Variants in GATAD2B observed in about 807,000 individuals in gnomAD.
The protein encoded by GATAD2B is GATA zinc finger domain containing 2B.
A neutral mutation model predicts 64.3 loss-of-function variants in GATAD2B; 8 were observed. That is an observed-to-expected ratio of 0.12 (90% CI 0.07 to 0.22). The LOEUF (loss-of-function observed/expected upper bound fraction) is 0.22, where lower values mean the gene tolerates loss of function less well. GATAD2B is among the 10% of genes least tolerant of loss of function. The probability of loss-of-function intolerance (pLI) is 1.00; values close to 1 mark genes in which losing one functional copy is unlikely to be tolerated. For missense variants in GATAD2B, 453 were observed against 752.0 expected (o/e 0.60, Z 4.65); for synonymous variants, 281 against 271.3 (o/e 1.04, Z -0.35).
intron 1 of GATAD2B, among the ~76,000 whole-genome samples, chr1:153,880,906 AAC>A (rs1306008292): frequency 2.6e-5 from 4 of 152,166 alleles, no homozygotes; most frequent in African/African-American, 9.6e-5. Flanking sequence ...CATGGTCAAT[AAC>A]ACTTGCACAC....
intron 7 of GATAD2B, among the ~76,000 whole-genome samples, chr1:153,815,421 T>C (rs1674445051): frequency 2.0e-5 from 3 of 150,892 alleles, no homozygotes; most frequent in Non-Finnish European, 4.4e-5. Context: ...TCAGAGACTA[T>C]GATTTAAGTG....
intron 1 of GATAD2B, among the ~76,000 whole-genome samples, chr1:153,849,679 G>A (rs1278657338): frequency 6.6e-6 from 1 of 152,110 alleles, no homozygotes; most frequent in Non-Finnish European, 1.5e-5. Context: ...CACCCAGGCT[G>A]CAGTACAGTG....
At chr1:153,818,683 G>T in intron 4 of GATAD2B, 108 bp downstream of exon 4, 1 of 949,710 alleles carries the variant, frequency 1.1e-6, no homozygotes, top group South Asian at 1.6e-5. Flanking sequence ...AAAAAACTAC[G>T]GACCCAGAGA....
intron 1 of GATAD2B, among the ~76,000 whole-genome samples, chr1:153,836,274 T>A (rs1439954412): frequency 6.7e-6 from 1 of 150,280 alleles, no homozygotes; most frequent in Admixed American, 6.6e-5. Flanking sequence ...TTTTTTTTTT[T>A]TTTTTTTTAG....
chr1:153,892,849 C>A (rs1570994878), intron 1 of GATAD2B, among the ~76,000 whole-genome samples: 1 of 151,932 alleles, frequency 6.6e-6, no homozygotes, highest in Non-Finnish European at 1.5e-5. Flanking sequence ...CACGTGCCAC[C>A]ACGCCTGGCT....
At chr1:153,913,188 A>C (rs559972515) in intron 1 of GATAD2B, among the ~76,000 whole-genome samples, 2 of 151,994 alleles carry the variant, frequency 1.3e-5, no homozygotes, top group South Asian at 4.2e-4. Flanking sequence ...TCAGCCTCCC[A>C]AAGTGCTGGG....
intron 1 of GATAD2B, among the ~76,000 whole-genome samples, chr1:153,833,583 G>A (rs1463354473): frequency 6.6e-6 from 1 of 152,110 alleles, no homozygotes; most frequent in African/African-American, 2.4e-5. Context: ...GGGAAGCCGA[G>A]GCAGGTGGAT....
intron 1 of GATAD2B, chr1:153,852,261 G>T: frequency 1.6e-6 from 2 of 1,223,776 alleles, no homozygotes; most frequent in Non-Finnish European, 2.4e-6. Context: ...GTCATCTAAA[G>T]ATTCCTTCAT....
chr1:153,878,340 G>A (rs1296380124), intron 1 of GATAD2B, among the ~76,000 whole-genome samples: 1 of 151,888 alleles, frequency 6.6e-6, no homozygotes, highest in Non-Finnish European at 1.5e-5. Flanking sequence ...TGTTGCCCAG[G>A]CTGGTCTCAA....
At chr1:153,833,746 G>A (rs891683153) in intron 1 of GATAD2B, among the ~76,000 whole-genome samples, 10 of 150,604 alleles carry the variant, frequency 6.6e-5, no homozygotes, top group South Asian at 6.3e-4. Context: ...GGAGGGGGAG[G>A]TGGCAGTGAG....
In GATAD2B at chr1:153,816,713, G is replaced by A; in HGVS notation, c.901-125C>T. 8.1e-6 allele frequency: 5 copies of A among 616,694 alleles called. No individual in the cohort carries two copies. Among genetic ancestry groups the A allele is most frequent in the Non-Finnish European group, 1.1e-5 (4 of 349,776 alleles). The allele number at this position is 616,694 out of a possible 1,614,324, so 38.2% of individuals were successfully genotyped here. On this transcript the variant is annotated intron_variant, in intron 6 of 10. Transcript: ENST00000368655. This position sits in a 1 kb window ranked among gnomAD's most constrained non-coding sequence, Gnocchi z 4.9. ...CTTAGCTTCTCCAAAAATAGGAGGT[G>A]GTCAACTTATTTATTGAAAAAGAAC...
At chr1:153,871,350 C>A (rs867418417) in intron 1 of GATAD2B, among the ~76,000 whole-genome samples, 1 of 150,450 alleles carries the variant, frequency 6.6e-6, no homozygotes, top group African/African-American at 2.4e-5. Flanking sequence ...CAGGCGTGAG[C>A]GACCACACCC....
At chr1:153,831,816 T>A (rs973402869) in intron 1 of GATAD2B, among the ~76,000 whole-genome samples, 1 of 152,030 alleles carries the variant, frequency 6.6e-6, no homozygotes, top group African/African-American at 2.4e-5. Flanking sequence ...TTGGGCAGAG[T>A]AGGAAAAGTC....
chr1:153,835,586 G>T (rs1410460358), intron 1 of GATAD2B, among the ~76,000 whole-genome samples: 1 of 152,122 alleles, frequency 6.6e-6, no homozygotes, highest in East Asian at 1.9e-4. Context: ...ATAATGACTT[G>T]CTGAAGGCTC....
intron 1 of GATAD2B, among the ~76,000 whole-genome samples, chr1:153,854,173 C>T (rs1676002965): frequency 1.3e-5 from 2 of 152,084 alleles, no homozygotes; most frequent in Admixed American, 6.6e-5. Context: ...GAGGCTGAAA[C>T]GGGCGGATCG....
chr1:153,820,514 G>A (rs903095644), intron 2 of GATAD2B, among the ~76,000 whole-genome samples: 1 of 152,162 alleles, frequency 6.6e-6, no homozygotes, highest in South Asian at 2.1e-4. Flanking sequence ...TCCCAAATCC[G>A]TGACTGTATC....
At chr1:153,873,932 G>A (rs1017932108) in intron 1 of GATAD2B, among the ~76,000 whole-genome samples, 40 of 152,002 alleles carry the variant, frequency 2.6e-4, no homozygotes, top group African/African-American at 9.4e-4. Context: ...CTGGGTGACA[G>A]AGAATAAATA....
At chr1:153,855,671 CTTAT>C (rs1443734113) in intron 1 of GATAD2B, among the ~76,000 whole-genome samples, 1 of 151,960 alleles carries the variant, frequency 6.6e-6, no homozygotes, top group Non-Finnish European at 1.5e-5. Flanking sequence ...ATGGCTCCTA[CTTAT>C]TTTATATATT....
chr1:153,916,154 ACCTGTAAT>A (rs201574506), intron 1 of GATAD2B, among the ~76,000 whole-genome samples: 1 of 151,612 alleles, frequency 6.6e-6, no homozygotes, highest in East Asian at 1.9e-4. Flanking sequence ...AGTGGCAGAC[ACCTGTAAT>A]CCCAGCTACT....
Sources: allele counts gnomAD v4.1 joint callset (sites outside exome capture counted in the v4.1 genomes callset), GRCh38; gene constraint gnomAD v4.1.1; non-coding constraint Gnocchi (gnomAD v3.1); transcripts MANE v1.5; gene names NCBI Gene and HGNC (gene_info 2026-07-23, HGNC 2026-07-21).